Variants in DLG1 observed in about 807,000 individuals in gnomAD.
DLG1 encodes discs large MAGUK scaffold protein 1.
Under a neutral mutation model 123.4 loss-of-function variants are expected in DLG1, and 42 were observed. The observed-to-expected ratio is 0.34, with a 90% CI of 0.27 to 0.44. The LOEUF (loss-of-function observed/expected upper bound fraction) is 0.44. Among genes scored for constraint, DLG1 ranks in the 20% least tolerant of loss-of-function variants. The pLI, the probability that DLG1 is intolerant of heterozygous loss-of-function variation, is 1.00. For missense variants in DLG1, 942 were observed against 1,082.6 expected, an observed-to-expected ratio of 0.87 and a Z score of 1.82; for synonymous variants, 317 against 356.2, an observed-to-expected ratio of 0.89 and a Z score of 1.24.
At chr3:197,238,047 A>T (rs955657958) in intron 4 of DLG1, among the ~76,000 whole-genome samples, 2 of 152,210 alleles carry the variant, frequency 1.3e-5, no homozygotes, top group Admixed American at 1.3e-4. Flanking sequence ...CTAACACCCT[A>T]TCCCAACAGG....
At chr3:197,250,378 G>T (rs143100359) in intron 4 of DLG1, among the ~76,000 whole-genome samples, 3 of 152,118 alleles carry the variant, frequency 2.0e-5, no homozygotes, top group Non-Finnish European at 4.4e-5. Context: ...GACCAGCCTG[G>T]CCAACATTGT....
chr3:197,188,025 C>T (rs1320391244), intron 5 of DLG1, among the ~76,000 whole-genome samples: 4 of 152,050 alleles, frequency 2.6e-5, no homozygotes, highest in Non-Finnish European at 5.9e-5. Flanking sequence ...GGAGAGCCAC[C>T]ACCATCCACT....
rs369214388 is a variant in DLG1 at position 197,076,612 on chromosome 3, C to A, written c.1979G>T (p.Ser660Ile). ...KFPFYKNKDQ[S>I]EQETSDADQH... ...GTCAGCATCACTTGTTTCCTGCTCA[C>A]TCTGGTCCTTGTTCTTGTAGAAGGG... The change falls in exon 18 of 25, where the codon AGT becomes ATT. Residue 660 changes from serine to isoleucine, a missense_variant. By Grantham distance (142) the Ser-to-Ile change is moderately radical (BLOSUM62 -2). Transcript: ENST00000667157. 1.4e-5 allele frequency: 23 copies of A among 1,612,842 alleles called. No individual in the cohort carries two copies. Among genetic ancestry groups the A allele is most frequent in the Non-Finnish European group, 1.9e-5 (22 of 1,179,140 alleles).
chr3:197,217,424 T>C (rs1019244638), intron 4 of DLG1, among the ~76,000 whole-genome samples: 5 of 152,076 alleles, frequency 3.3e-5, no homozygotes, highest in African/African-American at 1.2e-4. Context: ...TGATTTCAAG[T>C]GAAAAAACAA....
chr3:197,123,769 C>T (rs1482556661), intron 11 of DLG1, among the ~76,000 whole-genome samples: 1 of 152,072 alleles, frequency 6.6e-6, no homozygotes, highest in Admixed American at 6.5e-5. Context: ...CAAGGATGTG[C>T]AAAAACATCC....
chr3:197,278,276 C>A, intron 4 of DLG1, among the ~76,000 whole-genome samples: 1 of 98,914 alleles, frequency 1.0e-5, no homozygotes, highest in African/African-American at 4.1e-5. Context: ...GAGCAAGACT[C>A]TGTCCCAAAA....
At chr3:197,085,848 T>G in intron 15 of DLG1, 92 bp from the exon 16 acceptor site, 5 of 1,218,116 alleles carry the variant, frequency 4.1e-6, no homozygotes, top group Non-Finnish European at 5.7e-6. Context: ...TTTGGGTAAT[T>G]AAATATATCA....
intron 4 of DLG1, among the ~76,000 whole-genome samples, chr3:197,204,408 T>C (rs1727481147): frequency 6.6e-6 from 1 of 152,162 alleles, no homozygotes; most frequent in South Asian, 2.1e-4. Context: ...TCAAATGGGG[T>C]TAACTATGCT....
rs564079517 is a variant in DLG1, at chr3:197,297,312, C to T, written c.-31-77G>A. On this transcript the variant is annotated intron_variant, in intron 1 of 24. Transcript: ENST00000667157. ...ATTTTCCCCTATCGAAATAGAAAAC[C>T]CTCGCAGCCTATTTGAAAACCCCAC... 26 of 1,558,698 alleles carry T rather than the reference C, an allele frequency of 1.7e-5. No homozygotes were observed. In the African/African-American group the frequency reaches 3.3e-4, roughly 20 times the overall value.
chr3:197,046,869 C>CA (rs536347970), intron 24 of DLG1, among the ~76,000 whole-genome samples: 244 of 143,888 alleles, frequency 1.7e-3, no homozygotes, highest in South Asian at 8.1e-3. Context: ...GACCCTGGCT[C>CA]AAAAAAAAAC....
intron 5 of DLG1, among the ~76,000 whole-genome samples, chr3:197,173,650 C>T (rs1805450944): frequency 6.6e-6 from 1 of 152,170 alleles, no homozygotes; most frequent in South Asian, 2.1e-4. Context: ...CATACTGCAT[C>T]AATCCTTAGA....
chr3:197,075,808 A>G (rs746677425), intron 18 of DLG1: 1 of 1,607,886 alleles, frequency 6.2e-7, no homozygotes, highest in South Asian at 1.1e-5. Flanking sequence ...GAGGTTAAAA[A>G]ATAACTTGGG....
intron 24 of DLG1, among the ~76,000 whole-genome samples, chr3:197,046,393 C>T (rs1428125773): frequency 2.0e-5 from 3 of 152,176 alleles, no homozygotes; most frequent in Non-Finnish European, 2.9e-5. Flanking sequence ...CTGCAGACAC[C>T]TTAACCATGT....
intron 4 of DLG1, among the ~76,000 whole-genome samples, chr3:197,198,731 AC>A (rs924271579): frequency 4.6e-5 from 7 of 152,210 alleles, no homozygotes; most frequent in African/African-American, 1.2e-4. Context: ...ATGAGATACT[AC>A]TTCACATCCA....
chr3:197,128,896 A>G (rs1210975426), intron 11 of DLG1, among the ~76,000 whole-genome samples: 1 of 152,082 alleles, frequency 6.6e-6, no homozygotes, highest in Non-Finnish European at 1.5e-5. Context: ...AATATTCAGT[A>G]AACCATGCTG....
intron 3 of DLG1, among the ~76,000 whole-genome samples, chr3:197,288,705 G>GA (rs1773139516): frequency 1.2e-5 from 1 of 82,332 alleles, no homozygotes; most frequent in Non-Finnish European, 2.1e-5. Flanking sequence ...TGGGCAACAA[G>GA]AGTGAAACTG....
intron 4 of DLG1, among the ~76,000 whole-genome samples, chr3:197,224,512 G>A (rs1738777443): frequency 6.6e-6 from 1 of 152,086 alleles, no homozygotes; most frequent in African/African-American, 2.4e-5. Context: ...AAAAAATGTA[G>A]CCTTAGCTAT....
chr3:197,239,017 C>T (rs1216715435), intron 4 of DLG1, among the ~76,000 whole-genome samples: 1 of 151,740 alleles, frequency 6.6e-6, no homozygotes, highest in Non-Finnish European at 1.5e-5. Context: ...AACAGAGAAA[C>T]AGAAGAAAAA....
chr3:197,097,580 C>CTTTTT (rs3051908), intron 14 of DLG1, among the ~76,000 whole-genome samples: 8 of 122,810 alleles, frequency 6.5e-5, no homozygotes, highest in East Asian at 2.4e-4. Flanking sequence ...TTTGTACTTT[C>CTTTTT]TTTTTTTTTT....
Sources: allele counts gnomAD v4.1 joint callset (sites outside exome capture counted in the v4.1 genomes callset), GRCh38; gene constraint gnomAD v4.1.1; transcripts MANE v1.5; gene names NCBI Gene and HGNC (gene_info 2026-07-23, HGNC 2026-07-21).